The following NEIL3 variants were observed in gnomAD, a reference collection of about 807,000 sequenced individuals.
NEIL3 encodes endonuclease 8-like 3.
NEIL3 carries 48 observed loss-of-function variants against 57.5 expected under a neutral mutation model. The observed-to-expected ratio is 0.83, with a 90% CI of 0.66 to 1.06. NEIL3 has a LOEUF of 1.06. Among genes scored for constraint, NEIL3 ranks in the 50% least tolerant of loss-of-function variants. The probability of loss-of-function intolerance (pLI) is 0.00; values close to 1 mark genes in which losing one functional copy is unlikely to be tolerated. For synonymous variants in NEIL3, 261 were observed against 253.2 expected, an observed-to-expected ratio of 1.03 and a Z score of -0.29; for missense variants, 717 against 739.1, an observed-to-expected ratio of 0.97 and a Z score of 0.35.
the NEIL3 span, among the ~76,000 whole-genome samples, chr4:177,367,985 G>T: frequency 2.0e-5 from 3 of 152,190 alleles, no homozygotes; most frequent in South Asian, 6.2e-4. Context: ...TAAGTAGGAA[G>T]TGTGTCTGTG....
chr4:177,319,422 A>T lies in NEIL3; in HGVS notation c.157-3037A>T, dbSNP rs35565155. Among the ~76,000 whole-genome samples, 355 of 152,278 alleles carry T rather than the reference A, an allele frequency of 2.3e-3. 8 individuals carry two copies. In the South Asian group the frequency reaches 0.046, roughly 20 times the overall value. Reference sequence around the variant, plus strand: ...AATTGGCCAATCGGACATTAGATAGATGTTGAGTTTCAGCTTTAACTTTTT... The same window carrying T: ...AATTGGCCAATCGGACATTAGATAGTTGTTGAGTTTCAGCTTTAACTTTTT... On this transcript the variant is annotated intron_variant, in intron 1 of 9. Coordinates refer to ENST00000264596, the MANE Select transcript of NEIL3 (RefSeq NM_018248.3).
chr4:177,338,085 C>T (rs1325284735), intron 4 of NEIL3, among the ~76,000 whole-genome samples: 2 of 151,970 alleles, frequency 1.3e-5, no homozygotes, highest in Non-Finnish European at 2.9e-5. Context: ...CTTAAAAGCA[C>T]GTGCACAATT....
At chr4:177,331,249 T>G (rs967242094) in intron 2 of NEIL3, among the ~76,000 whole-genome samples, 1 of 152,124 alleles carries the variant, frequency 6.6e-6, no homozygotes, top group Non-Finnish European at 1.5e-5. Flanking sequence ...TTTTTTCTCT[T>G]TCTTAGGTTT....
intron 1 of NEIL3, among the ~76,000 whole-genome samples, chr4:177,310,626 C>T (rs1734459127): frequency 6.6e-6 from 1 of 152,192 alleles, no homozygotes; most frequent in Admixed American, 6.5e-5. Context: ...ATATTGCCAT[C>T]TAATTAAGGG....
In NEIL3 at chr4:177,336,247, A is replaced by G. The variant is rs1734976659; in HGVS notation, c.553A>G (p.Asn185Asp). Residue 185 changes from asparagine to aspartate, a missense_variant, in exon 4 of 10, where the codon AAC becomes GAC. Coordinates refer to ENST00000264596, the MANE Select transcript of NEIL3 (RefSeq NM_018248.3). ...RMLGDVLMDQNVLPGVGNIIK... is the reference protein window; with the variant it reads ...RMLGDVLMDQDVLPGVGNIIK... Reference sequence around the variant, plus strand: ...GCTAGGTGATGTGCTAATGGATCAGAACGTATTGCCTGGAGTAGGGAACAT... The same window carrying G: ...GCTAGGTGATGTGCTAATGGATCAGGACGTATTGCCTGGAGTAGGGAACAT... 1 of 1,614,128 alleles carries G rather than the reference A, an allele frequency of 6.2e-7. No individual in the cohort carries two copies. The highest frequency in any genetic ancestry group is 1.3e-5 in the African/African-American group (1 of 74,948).
chr4:177,324,180 G>A (rs966575373), intron 2 of NEIL3, among the ~76,000 whole-genome samples: 3 of 152,142 alleles, frequency 2.0e-5, no homozygotes, highest in African/African-American at 7.2e-5. Flanking sequence ...TTGTGAGGCT[G>A]CAGGTCTGTG....
At chr4:177,320,456 TG>T (rs1437243297) in intron 1 of NEIL3, among the ~76,000 whole-genome samples, 4 of 132,194 alleles carry the variant, frequency 3.0e-5, no homozygotes, top group Non-Finnish European at 6.4e-5. Flanking sequence ...GAACAGGAAG[TG>T]ACTGCTGTCT....
At chr4:177,329,426 T>C (rs1435874529) in intron 2 of NEIL3, among the ~76,000 whole-genome samples, 1 of 151,940 alleles carries the variant, frequency 6.6e-6, no homozygotes, top group African/African-American at 2.4e-5. Flanking sequence ...GAAACACTTA[T>C]CAAAAGAAAG....
intron 1 of NEIL3, among the ~76,000 whole-genome samples, chr4:177,314,336 C>T (rs1199585864): frequency 6.6e-6 from 1 of 152,152 alleles, no homozygotes; most frequent in Admixed American, 6.5e-5. Flanking sequence ...TGAACATATT[C>T]GGCATGCTGC....
In NEIL3 at chr4:177,318,805, CT is replaced by C. The variant is rs1238201912; in HGVS notation, c.157-3649del. 1.4e-4 allele frequency among the ~76,000 whole-genome samples: 21 copies of C among 152,272 alleles called. No homozygotes were observed. In the East Asian group the frequency reaches 4.1e-3, roughly 29 times the overall value. ...TGTGTTATTGTGTTTATTGCCTACT[CT>C]TTTTCTACTCTTTTTCCTTACTAGA... On this transcript the variant is annotated intron_variant, in intron 1 of 9. Transcript: ENST00000264596.
the NEIL3 span, among the ~76,000 whole-genome samples, chr4:177,368,135 T>A: frequency 6.6e-6 from 1 of 152,042 alleles, no homozygotes; most frequent in African/African-American, 2.4e-5. Flanking sequence ...TATCTAAGAG[T>A]CATCTATGTA....
downstream of NEIL3, among the ~76,000 whole-genome samples, chr4:177,367,045 C>T (rs1202562034): frequency 1.3e-5 from 2 of 151,668 alleles, no homozygotes; most frequent in African/African-American, 2.4e-5. Context: ...TAGTTTTTTC[C>T]CCTTTGGTTT....
At chr4:177,344,019 T>C (rs1328503913) in intron 6 of NEIL3, among the ~76,000 whole-genome samples, 2 of 152,152 alleles carry the variant, frequency 1.3e-5, no homozygotes, top group African/African-American at 2.4e-5. Flanking sequence ...ATTATAAATA[T>C]GTTATTTATC....
rs760178409 is a variant in NEIL3, at chr4:177,353,666, A to T, written c.1398A>T (p.Lys466Asn). ...ESKLFSPAHK[K>N]PKTAQYSSPE... ...AATTATTTAGTCCAGCACATAAAAA[A>T]CCGAAAACAGCCCAATACTCATCAC... Residue 466 changes from lysine (K) to asparagine (N), a missense_variant, in exon 8 of 10, where the codon AAA (lysine) becomes AAT (asparagine). Lys to Asn is a moderately conservative substitution (Grantham distance 94). Coordinates refer to ENST00000264596, the MANE Select transcript of NEIL3 (RefSeq NM_018248.3). 4 of 1,613,904 alleles carry T rather than the reference A, an allele frequency of 2.5e-6. No homozygotes were observed. The highest frequency in any genetic ancestry group is 3.4e-6 in the Non-Finnish European group (4 of 1,179,906).
At chr4:177,359,056 G>A (rs1430397012) in intron 8 of NEIL3, among the ~76,000 whole-genome samples, 1 of 152,174 alleles carries the variant, frequency 6.6e-6, no homozygotes, top group Non-Finnish European at 1.5e-5. Flanking sequence ...AAGTTTTGGA[G>A]GAGATTGGTG....
intron 8 of NEIL3, among the ~76,000 whole-genome samples, chr4:177,357,192 C>T (rs747882522): frequency 8.5e-5 from 13 of 152,188 alleles, no homozygotes; most frequent in African/African-American, 2.4e-4. Flanking sequence ...AATCTACATT[C>T]AGTGAGACCG....
chr4:177,345,678 GCT>G (rs1491111358), intron 6 of NEIL3, among the ~76,000 whole-genome samples: 2 of 118,302 alleles, frequency 1.7e-5, no homozygotes, highest in Non-Finnish European at 3.4e-5. Context: ...ACCACGCCTG[GCT>G]TTTTTTTTTT....
intron 2 of NEIL3, among the ~76,000 whole-genome samples, chr4:177,329,467 T>C (rs1051732944): frequency 1.3e-5 from 2 of 151,962 alleles, no homozygotes; most frequent in African/African-American, 4.8e-5. Context: ...TCAAAGTAGA[T>C]TTCAGATCAA....
At chr4:177,327,732 CA>C (rs1224143586) in intron 2 of NEIL3, among the ~76,000 whole-genome samples, 1 of 152,078 alleles carries the variant, frequency 6.6e-6, no homozygotes, top group Non-Finnish European at 1.5e-5. Context: ...TTTATTAAAT[CA>C]AAAAATTTCC....
Sources: gnomAD v4.1 joint callset for allele counts (sites outside exome capture counted in the v4.1 genomes callset) on GRCh38, gnomAD v4.1.1 for gene constraint, MANE v1.5 for transcripts, NCBI Gene and HGNC (gene_info 2026-07-23, HGNC 2026-07-21) for gene names.